Variants in PTPRD observed in about 807,000 individuals in gnomAD.
PTPRD encodes protein tyrosine phosphatase receptor type D.
PTPRD carries 34 observed loss-of-function variants against 214.5 expected under a neutral mutation model. That is an observed-to-expected ratio of 0.16 (90% CI 0.12 to 0.21). The LOEUF (loss-of-function observed/expected upper bound fraction) is 0.21. Among genes scored for constraint, PTPRD ranks in the 10% least tolerant of loss-of-function variants. The pLI is 1.00. For synonymous variants in PTPRD, 1,128 were observed against 845.7 expected (o/e 1.33, Z -5.79); for missense variants, 2,545 against 2,398.7 (o/e 1.06, Z -1.27).
At chr9:9,442,928 C>T (rs140499473) in intron 8 of PTPRD, among the ~76,000 whole-genome samples, 2 of 152,228 alleles carry the variant, frequency 1.3e-5, no homozygotes, top group African/African-American at 2.4e-5. Flanking sequence ...ATACATGTAA[C>T]ATGTATGTTT....
chr9:9,520,077 C>G (rs2096929977), intron 8 of PTPRD, among the ~76,000 whole-genome samples: 1 of 151,744 alleles, frequency 6.6e-6, no homozygotes, highest in Admixed American at 6.6e-5. Flanking sequence ...GAACTTTTTT[C>G]AAGTGTTTAG....
chr9:9,767,810 C>T (rs1226776497), intron 5 of PTPRD, among the ~76,000 whole-genome samples: 2 of 152,002 alleles, frequency 1.3e-5, no homozygotes, highest in East Asian at 3.9e-4. Context: ...TATTCTCAAA[C>T]TCAAAGAATT....
At chr9:9,318,814 G>A (rs1172795566) in intron 9 of PTPRD, among the ~76,000 whole-genome samples, 1 of 152,102 alleles carries the variant, frequency 6.6e-6, no homozygotes, top group Non-Finnish European at 1.5e-5. Context: ...CACAGTGGAG[G>A]TGAGCTCCTT....
intron 7 of PTPRD, among the ~76,000 whole-genome samples, chr9:9,584,732 C>G (rs1219553613): frequency 2.0e-5 from 3 of 151,840 alleles, no homozygotes; most frequent in Non-Finnish European, 4.4e-5. Context: ...TACCATGCAC[C>G]CTTTATGCTT....
At chr9:9,853,908 T>C (rs908212903) in intron 5 of PTPRD, among the ~76,000 whole-genome samples, 4 of 152,236 alleles carry the variant, frequency 2.6e-5, no homozygotes, top group Non-Finnish European at 5.9e-5. Context: ...TGGGGCACAA[T>C]GTGATGTTTC....
intron 10 of PTPRD, among the ~76,000 whole-genome samples, chr9:9,182,826 T>C (rs2099929027): frequency 6.6e-6 from 1 of 152,010 alleles, no homozygotes. Flanking sequence ...GCTAATCTAC[T>C]CACTAATCTG....
intron 3 of PTPRD, among the ~76,000 whole-genome samples, chr9:10,297,640 T>A (rs957236008): frequency 6.6e-6 from 1 of 151,798 alleles, no homozygotes; most frequent in Non-Finnish European, 1.5e-5. Flanking sequence ...GATAAAATAA[T>A]GTGTGAATAC....
chr9:8,450,737 G>A (rs981791891), intron 33 of PTPRD, among the ~76,000 whole-genome samples: 2 of 152,074 alleles, frequency 1.3e-5, no homozygotes, highest in African/African-American at 2.4e-5. Context: ...CTGTATATAA[G>A]ATTTCTTTAT....
intron 3 of PTPRD, among the ~76,000 whole-genome samples, chr9:10,313,763 C>T (rs536430291): frequency 1.3e-5 from 2 of 152,006 alleles, no homozygotes; most frequent in South Asian, 4.1e-4. Flanking sequence ...AATTCAGTCA[C>T]CATTCAAAAT....
At chr9:8,835,274 GCA>G (rs1300333070) in intron 11 of PTPRD, among the ~76,000 whole-genome samples, 1 of 152,208 alleles carries the variant, frequency 6.6e-6, no homozygotes, top group African/African-American at 2.4e-5. Context: ...AGGTGCGTGG[GCA>G]CAGAGAATGG....
At chr9:9,280,316 G>T (rs954556963) in intron 9 of PTPRD, among the ~76,000 whole-genome samples, 2 of 150,924 alleles carry the variant, frequency 1.3e-5, no homozygotes, top group African/African-American at 4.9e-5. Flanking sequence ...ACATATGAAA[G>T]AAATAAGGAA....
chr9:10,582,733 T>C (rs571022045), intron 2 of PTPRD, among the ~76,000 whole-genome samples: 1 of 152,280 alleles, frequency 6.6e-6, no homozygotes, highest in African/African-American at 2.4e-5. Context: ...AAAAAACTTA[T>C]ATTGTTACAG....
chr9:8,624,129 T>G (rs1034175965), intron 14 of PTPRD, among the ~76,000 whole-genome samples: 1 of 151,910 alleles, frequency 6.6e-6, no homozygotes, highest in Non-Finnish European at 1.5e-5. Flanking sequence ...GTTGAAGCAA[T>G]TGACTACCTG....
At chr9:9,719,770 C>A (rs776109737) in intron 7 of PTPRD, among the ~76,000 whole-genome samples, 1 of 152,186 alleles carries the variant, frequency 6.6e-6, no homozygotes, top group Non-Finnish European at 1.5e-5. Context: ...TGGGGTTCTG[C>A]GGTTTCTGGC....
intron 3 of PTPRD, among the ~76,000 whole-genome samples, chr9:10,100,014 A>C (rs1014882629): frequency 6.6e-6 from 1 of 151,662 alleles, no homozygotes; most frequent in Admixed American, 6.6e-5. Context: ...CCTTCTCCCA[A>C]ATGTATATGT....
chr9:10,590,650 C>T (rs550937938), intron 2 of PTPRD, among the ~76,000 whole-genome samples: 7 of 151,908 alleles, frequency 4.6e-5, no homozygotes, highest in African/African-American at 1.7e-4. Context: ...GTAGTTCATT[C>T]TTTTTTATTG....
chr9:8,616,054 T>C (rs952357055), intron 14 of PTPRD, among the ~76,000 whole-genome samples: 4 of 152,158 alleles, frequency 2.6e-5, no homozygotes, highest in African/African-American at 9.6e-5. Context: ...ATGAAAGTTT[T>C]TACATTTTAT....
At chr9:9,848,863 T>C (rs2060025231) in intron 5 of PTPRD, among the ~76,000 whole-genome samples, 1 of 152,056 alleles carries the variant, frequency 6.6e-6, no homozygotes, top group African/African-American at 2.4e-5. Flanking sequence ...TGTAAATCAA[T>C]TGCCTCAATA....
Position 8,805,281 on chromosome 9 carries a change from G to T in PTPRD, c.-103-71335C>A, listed in dbSNP as rs192097557. 8.5e-5 allele frequency among the ~76,000 whole-genome samples: 13 copies of T among 152,274 alleles called. No homozygotes were observed. The East Asian group carries it at 2.5e-3, about 29-fold the overall frequency. On this transcript the variant is annotated intron_variant, in intron 11 of 45. Coordinates refer to ENST00000381196, the MANE Select transcript of PTPRD (RefSeq NM_002839.4). ...AATTTGAGTAGCTCAAGTCCACAAAGCAAGTTGGAGCTGCAATTAGAATTC... is the reference window on the plus strand; with the variant it reads ...AATTTGAGTAGCTCAAGTCCACAAATCAAGTTGGAGCTGCAATTAGAATTC...
Sources: allele counts gnomAD v4.1 joint callset (sites outside exome capture counted in the v4.1 genomes callset), GRCh38; gene constraint gnomAD v4.1.1; transcripts MANE v1.5; gene names NCBI Gene and HGNC (gene_info 2026-07-23, HGNC 2026-07-21).